Variants in TNS2 observed in about 807,000 individuals in gnomAD.
TNS2 encodes tensin 2.
A neutral mutation model predicts 155.7 loss-of-function variants in TNS2; 77 were observed. That is an observed-to-expected ratio of 0.49 (90% CI 0.41 to 0.60). The LOEUF (loss-of-function observed/expected upper bound fraction) is 0.60, where lower values mean the gene tolerates loss of function less well. TNS2 is among the 20% of genes least tolerant of loss of function. The pLI, the probability that TNS2 is intolerant of heterozygous loss-of-function variation, is 0.00. For missense variants in TNS2, 1,703 were observed against 1,868.8 expected, an observed-to-expected ratio of 0.91 and a Z score of 1.64; for synonymous variants, 726 against 763.9, an observed-to-expected ratio of 0.95 and a Z score of 0.82.
rs374042745 is a variant in TNS2, at chr12:53,063,216, G to A, written c.3951G>A (p.Lys1317=). The change falls in exon 26 of 29, where the codon AAG becomes AAA. Residue 1317 remains lysine (K), a synonymous_variant. Coordinates refer to ENST00000314250, the MANE Select transcript of TNS2 (RefSeq NM_170754.4). This position sits in a 1 kb window ranked among gnomAD's most constrained non-coding sequence, Gnocchi z 5.6. Reference sequence around the variant, plus strand: ...CGACACCAGCTGTTGTCCACTTCAAGGTGTCAGCCCAGGGCATTACACTGA... The same window carrying A: ...CGACACCAGCTGTTGTCCACTTCAAAGTGTCAGCCCAGGGCATTACACTGA... ...PRPTPAVVHF[K]VSAQGITLTD... is the part of the protein sequence containing the mutation. 2.5e-5 allele frequency: 40 copies of A among 1,612,862 alleles called. No individual in the cohort carries two copies. Among genetic ancestry groups the A allele is most frequent in the Middle Eastern group, 3.3e-4 (2 of 6,078 alleles).
chr12:53,062,802 C>T, intron 25 of TNS2, 105 bp downstream of exon 25: 1 of 1,383,570 alleles, frequency 7.2e-7, no homozygotes, highest in Non-Finnish European at 1.0e-6. Flanking sequence ...TGAGCCCTGG[C>T]CAACCCATGA....
intron 7 of TNS2, among the ~76,000 whole-genome samples, 160 bp downstream of exon 7, chr12:53,054,601 G>A (rs1252381109): frequency 6.6e-6 from 1 of 152,262 alleles, no homozygotes; most frequent in African/African-American, 2.4e-5. Context: ...GGAGCGGAGC[G>A]GAGAATCCTG....
In TNS2 at chr12:53,053,180, G is replaced by A. The variant is rs190910458; in HGVS notation, c.223-231G>A. 2.7e-4 allele frequency: 156 copies of A among 571,856 alleles called. 1 individual carries two copies. Among genetic ancestry groups the A allele is most frequent in the Admixed American group, 1.2e-3 (42 of 36,306 alleles). 35.4% of individuals were successfully genotyped at this position (571,856 alleles called of 1,614,324 possible). On this transcript the variant is annotated intron_variant, in intron 3 of 28. Coordinates refer to ENST00000314250, the MANE Select transcript of TNS2 (RefSeq NM_170754.4). ...CTGCCCTACAGCTGGATGAATGGGG[G>A]TCTGTGTGGGCTGGGGGCTGAGCGC...
Position 53,061,224 on chromosome 12 carries a change from C to T in TNS2, c.3318C>T (p.Thr1106=). 3.2e-6 allele frequency: 5 copies of T among 1,570,776 alleles called. No homozygotes were observed. The highest frequency in any genetic ancestry group is 4.5e-5 in the East Asian group (2 of 44,570). The change falls in exon 20 of 29, where the codon ACC becomes ACT. Residue 1106 remains threonine (T), a synonymous_variant. Transcript: ENST00000314250. ...CCAGAGGCATCAGTCACCATGTCAC[C>T]TTCGCACCTCTGCTCTCAGATAATG... ...SPARGISHHV[T]FAPLLSDNVP...
chr12:53,060,422 T>C lies in TNS2; in HGVS notation c.2635T>C (p.Ser879Pro). 6.2e-7 allele frequency: 1 copy of C among 1,613,352 alleles called. No individual in the cohort carries two copies. The highest frequency in any genetic ancestry group is 8.5e-7 in the Non-Finnish European group (1 of 1,179,904). Residue 879 changes from serine to proline, a missense_variant, in exon 19 of 29, where the codon TCC becomes CCC. By Grantham distance (74) the Ser-to-Pro change is moderately conservative. Coordinates refer to ENST00000314250, the MANE Select transcript of TNS2 (RefSeq NM_170754.4). The surrounding 1 kb of genome is among the most constrained non-coding windows in gnomAD (Gnocchi z 6.1). The part of the protein sequence containing the change: ...LASAESLEPV[S>P]WREGPSGHST... ...CACTGCAGAGTCGCTGGAGCCGGTG[T>C]CCTGGAGGGAGGGCCCCAGTGGGCA...
At chr12:53,047,259 G>GCCTCCT (rs1171455591), upstream of TNS2, among the ~76,000 whole-genome samples, 252 of 142,670 alleles carry the variant, frequency 1.8e-3, no homozygotes, top group African/African-American at 5.9e-3. Flanking sequence ...CACTGCCACC[G>GCCTCCT]CCTCCTCCTC....
rs773314134 is a variant in TNS2, at chr12:53,058,624, C to T, written c.1278C>T (p.Pro426=). 1.2e-5 allele frequency: 20 copies of T among 1,614,100 alleles called. No individual in the cohort carries two copies. The highest frequency in any genetic ancestry group is 1.2e-4 in the South Asian group (11 of 91,084). The change falls in exon 16 of 29, where the codon CCC becomes CCT. Residue 426 remains proline (P), a synonymous_variant. Transcript: ENST00000314250. Reference sequence around the variant, plus strand: ...TGGAGTTTGTCTTCTCCTCCAGCCCCGAGAAGATCAAAGGTAAGAGCAGGG... The same window carrying T: ...TGGAGTTTGTCTTCTCCTCCAGCCCTGAGAAGATCAAAGGTAAGAGCAGGG... ...ASVEFVFSSS[P]EKIKGSTPRN... is the part of the protein sequence containing the mutation.
At position 53,062,708 on chromosome 12, in the gene TNS2, C is replaced by G; in HGVS notation, c.3823+11C>G. The G allele has an allele frequency of 6.2e-7, 1 of 1,613,218 alleles. No homozygotes were observed. The highest frequency in any genetic ancestry group is 8.5e-7 in the Non-Finnish European group (1 of 1,179,694). On this transcript the variant is annotated intron_variant, in intron 25 of 28. Coordinates refer to ENST00000314250, the MANE Select transcript of TNS2 (RefSeq NM_170754.4). ...TGCGTCAGGGTGCTGGTAGAGACTT[C>G]CCCTCCACTCCCCTCCCTCTCCCTG...
rs1251579092 is a variant in TNS2, at chr12:53,052,556, G to C, written c.222+64G>C. On this transcript the variant is annotated intron_variant, in intron 3 of 28. Transcript: ENST00000314250. ...GGAGTCCCTTCCTCCTCCCAAACAG[G>C]CTTCTGCAACCACACTGGCATCAAC... 2.5e-6 allele frequency: 4 copies of C among 1,605,126 alleles called. No homozygotes were observed. The African/African-American group carries it at 5.4e-5, about 22-fold the overall frequency.
chr12:53,057,861 C>G, intron 13 of TNS2, 28 bp downstream of exon 13: 2 of 1,613,654 alleles, frequency 1.2e-6, no homozygotes, highest in Middle Eastern at 1.6e-4. Flanking sequence ...AGGCCCCTGA[C>G]ACTTCATGAC....
intron 10 of TNS2, 67 bp from the exon 11 acceptor site, chr12:53,056,946 G>A (rs1944181109): frequency 6.9e-7 from 1 of 1,456,572 alleles, no homozygotes; most frequent in African/African-American, 1.4e-5. Context: ...ATCCCCTGGG[G>A]CTTAGGGATG....
chr12:53,053,384 TCA>T, intron 3 of TNS2, 25 bp from the exon 4 acceptor site: 1 of 1,613,834 alleles, frequency 6.2e-7, no homozygotes, highest in East Asian at 2.2e-5. Context: ...CACCAGGAGC[TCA>T]GTTCCTTACT....
chr12:53,063,187 C>G lies in TNS2; in HGVS notation c.3922C>G (p.Arg1308Gly), dbSNP rs750287195. The part of the protein sequence containing the change: ...ASSAALSCSP[R>G]PTPAVVHFKV... ...CTCTGCAGCTCTGAGCTGTAGCCCC[C>G]GCCCGACACCAGCTGTTGTCCACTT... The change falls in exon 26 of 29, where the codon CGC (arginine) becomes GGC (glycine). Residue 1308 changes from arginine (R) to glycine (G), a missense_variant. By Grantham distance (125) the Arg-to-Gly change is moderately radical. Coordinates refer to ENST00000314250, the MANE Select transcript of TNS2 (RefSeq NM_170754.4). The surrounding 1 kb of genome is among the most constrained non-coding windows in gnomAD (Gnocchi z 5.6). 1 of 1,612,434 alleles carries G rather than the reference C, an allele frequency of 6.2e-7. No individual in the cohort carries two copies. Among genetic ancestry groups the G allele is most frequent in the African/African-American group, 1.3e-5 (1 of 75,010 alleles).
Position 53,063,708 on chromosome 12 carries a change from A to T in TNS2, c.4092-36A>T. 6.2e-7 allele frequency: 1 copy of T among 1,613,860 alleles called. No homozygotes were observed. Among genetic ancestry groups the T allele is most frequent in the Non-Finnish European group, 8.5e-7 (1 of 1,179,840 alleles). ...GCCAGCTACATTCCCTTGTGGAAGG[A>T]ATGTTAAGCCCCTTCCCCACCCTTT... On this transcript the variant is annotated intron_variant, in intron 28 of 28. Transcript: ENST00000314250. This position sits in a 1 kb window ranked among gnomAD's most constrained non-coding sequence, Gnocchi z 5.6.
chr12:53,061,588 G>T, intron 21 of TNS2, 119 bp downstream of exon 21: 1 of 1,354,680 alleles, frequency 7.4e-7, no homozygotes, highest in African/African-American at 1.4e-5. Flanking sequence ...GTTTACTCTT[G>T]GCTGAGTGTT....
Position 53,053,340 on chromosome 12 carries a change from G to A in TNS2, c.223-71G>A. 3 of 1,585,308 alleles carry A rather than the reference G, an allele frequency of 1.9e-6. No individual in the cohort carries two copies. In the South Asian group the frequency reaches 3.3e-5, roughly 18 times the overall value. ...CCTCCACCTTCCTCCTGAAGCTGAGGGGCTGCCCCATCCTCAAGCCCACGA... is the reference window on the plus strand; with the variant it reads ...CCTCCACCTTCCTCCTGAAGCTGAGAGGCTGCCCCATCCTCAAGCCCACGA... On this transcript the variant is annotated intron_variant, in intron 3 of 28. Coordinates refer to ENST00000314250, the MANE Select transcript of TNS2 (RefSeq NM_170754.4).
Position 53,060,766 on chromosome 12 carries a change from A to T in TNS2, c.2860A>T (p.Thr954Ser). The change falls in exon 20 of 29, where the codon ACC becomes TCC. Residue 954 changes from threonine (T) to serine (S), a missense_variant. By Grantham distance (58) the Thr-to-Ser change is moderately conservative. Transcript: ENST00000314250. This position sits in a 1 kb window ranked among gnomAD's most constrained non-coding sequence, Gnocchi z 6.1. ...EALPPVSQAG[T>S]GKAPELPSGS... is the part of the protein sequence containing the mutation. ...CTTGCCCCCTGTTTCCCAGGCAGGC[A>T]CCGGAAAGGCCCCTGAGCTGCCGTC... 6.2e-7 allele frequency: 1 copy of T among 1,612,096 alleles called. No homozygotes were observed. The highest frequency in any genetic ancestry group is 8.5e-7 in the Non-Finnish European group (1 of 1,178,974).
rs1943886021 is a variant in TNS2, at chr12:53,050,346, T to G, written c.75+86T>G. ...AGGGGACCAGGAATCAGGCCAGGCC[T>G]TCTTCCCAATTTCAGCTTCCTCAGC... On this transcript the variant is annotated intron_variant, in intron 1 of 28. Transcript: ENST00000314250. This position sits in a 1 kb window ranked among gnomAD's most constrained non-coding sequence, Gnocchi z 4.7. The G allele has an allele frequency of 7.1e-7, 1 of 1,416,672 alleles. No individual in the cohort carries two copies. Among genetic ancestry groups the G allele is most frequent in the Non-Finnish European group, 9.5e-7 (1 of 1,056,878 alleles). The allele number at this position is 1,416,672 out of a possible 1,614,324, so 87.8% of individuals were successfully genotyped here.
Position 53,062,137 on chromosome 12 carries a change from C to A in TNS2, c.3575-16C>A. ...TGGAATCCTAAAGCCGCAATCTTCC[C>A]CTCGCCTCCTCTCAGGGGACCCCGT... On this transcript the variant is annotated splice_polypyrimidine_tract_variant and intron_variant, in intron 22 of 28. Transcript: ENST00000314250. The A allele has an allele frequency of 6.2e-7, 1 of 1,613,826 alleles. No homozygotes were observed. The highest frequency in any genetic ancestry group is 1.1e-5 in the South Asian group (1 of 91,082).
Sources: allele counts gnomAD v4.1 joint callset (sites outside exome capture counted in the v4.1 genomes callset), GRCh38; gene constraint gnomAD v4.1.1; non-coding constraint Gnocchi (gnomAD v3.1); transcripts MANE v1.5; gene names NCBI Gene and HGNC (gene_info 2026-07-23, HGNC 2026-07-21).